LGALS3: variants seen among roughly 807,000 people sequenced by gnomAD.
The protein encoded by LGALS3 is galectin 3, also known as galectin-3.
Under a neutral mutation model 20.7 loss-of-function variants are expected in LGALS3, and 18 were observed. The observed-to-expected ratio is 0.87, with a 90% CI of 0.60 to 1.29. The LOEUF is 1.29. Ranked by LOEUF, LGALS3 falls within the 50% of genes most tolerant of loss-of-function variation. The pLI, the probability that LGALS3 is intolerant of heterozygous loss-of-function variation, is 0.00. For synonymous variants in LGALS3, 112 were observed against 119.6 expected (o/e 0.94, Z 0.42); for missense variants, 315 against 314.7 (o/e 1.00, Z -0.01).
intron 4 of LGALS3, among the ~76,000 whole-genome samples, chr14:55,142,281 C>T (rs1881650066): frequency 6.6e-6 from 1 of 152,088 alleles, no homozygotes; most frequent in Non-Finnish European, 1.5e-5. Flanking sequence ...AAGAAAACCT[C>T]GAAGGGTTTT....
chr14:55,135,394 T>C (rs1881356784), intron 1 of LGALS3, among the ~76,000 whole-genome samples: 1 of 151,928 alleles, frequency 6.6e-6, no homozygotes, highest in Non-Finnish European at 1.5e-5. Context: ...TAAGGACATA[T>C]TCCAAAATAA....
chr14:55,145,157 G>A lies in LGALS3; in HGVS notation c.639G>A (p.Val213=). 1 of 1,614,018 alleles carries A rather than the reference G, an allele frequency of 6.2e-7. No individual in the cohort carries two copies. Among genetic ancestry groups the A allele is most frequent in the Non-Finnish European group, 8.5e-7 (1 of 1,179,976 alleles). Residue 213 remains valine (V), a synonymous_variant, in exon 6 of 6, where the codon GTG becomes GTA. Coordinates refer to ENST00000254301, the MANE Select transcript of LGALS3 (RefSeq NM_002306.4). ...AACCTGACCACTTCAAGGTTGCAGT[G>A]AATGATGCTCACTTGTTGCAGTACA... ...LVEPDHFKVA[V]NDAHLLQYNH...
At position 55,140,383 on chromosome 14, in the gene LGALS3, C is replaced by A; in HGVS notation, c.431+20C>A. 1 of 1,494,412 alleles carries A rather than the reference C, an allele frequency of 6.7e-7. No homozygotes were observed. The highest frequency in any genetic ancestry group is 9.3e-7 in the Non-Finnish European group (1 of 1,076,320). The allele number at this position is 1,494,412 out of a possible 1,614,324, so 92.6% of individuals were successfully genotyped here. On this transcript the variant is annotated intron_variant, in intron 4 of 5. Coordinates refer to ENST00000254301, the MANE Select transcript of LGALS3 (RefSeq NM_002306.4). ...AAACAGGTAAGGAGAGCAAAATTAA[C>A]AAGTCTACTCTATTTGTAGATTGGT...
chr14:55,135,766 T>C (rs1455072031), intron 1 of LGALS3, among the ~76,000 whole-genome samples: 1 of 151,914 alleles, frequency 6.6e-6, no homozygotes, highest in Non-Finnish European at 1.5e-5. Flanking sequence ...GGTTTTGCCA[T>C]ATTGCCCAGG....
chr14:55,134,812 G>A (rs1881332022), intron 1 of LGALS3, among the ~76,000 whole-genome samples: 2 of 152,120 alleles, frequency 1.3e-5, no homozygotes, highest in South Asian at 4.1e-4. Context: ...AAATGGGCAT[G>A]GTCATAACCT....
Position 55,140,363 on chromosome 14 carries a change from G to T in LGALS3, c.431G>T (p.Arg144Ile), listed in dbSNP as rs374133862. The T allele has an allele frequency of 6.2e-7, 1 of 1,600,768 alleles. No homozygotes were observed. The highest frequency in any genetic ancestry group is 8.6e-7 in the Non-Finnish European group (1 of 1,169,414). The change falls in exon 4 of 6, where the codon AGA becomes ATA. Residue 144 changes from arginine to isoleucine, a missense_variant and splice_region_variant. Arg to Ile is a moderately conservative substitution (Grantham distance 97). Transcript: ENST00000254301. Reference protein sequence around the residue: ...ILGTVKPNANRIALDFQRGND... With the variant: ...ILGTVKPNANIIALDFQRGND... ...GGCACGGTGAAGCCCAATGCAAACAGGTAAGGAGAGCAAAATTAACAAGTC... is the reference window on the plus strand; with the variant it reads ...GGCACGGTGAAGCCCAATGCAAACATGTAAGGAGAGCAAAATTAACAAGTC...
intron 3 of LGALS3, among the ~76,000 whole-genome samples, chr14:55,139,380 T>C (rs1223181462): frequency 1.3e-5 from 2 of 152,208 alleles, no homozygotes; most frequent in African/African-American, 4.8e-5. Flanking sequence ...AAGACCATTC[T>C]AGTTCACACT....
intron 4 of LGALS3, 37 bp downstream of exon 4, chr14:55,140,400 T>C: frequency 7.3e-7 from 1 of 1,367,132 alleles, no homozygotes; most frequent in Non-Finnish European, 1.0e-6. Flanking sequence ...ACTCTATTTG[T>C]AGATTGGTTT....
At chr14:55,142,539 G>A (rs767979293) in intron 4 of LGALS3, 45 bp from the exon 5 acceptor site, 18 of 1,511,202 alleles carry the variant, frequency 1.2e-5, no homozygotes, top group Non-Finnish European at 1.4e-5. Context: ...CAGTGCAAAT[G>A]TACAGCTTTA....
intron 1 of LGALS3, among the ~76,000 whole-genome samples, chr14:55,131,221 G>A (rs1405286867): frequency 6.6e-6 from 1 of 152,114 alleles, no homozygotes; most frequent in Non-Finnish European, 1.5e-5. Context: ...GACGAGTACC[G>A]CCTGATGGAT....
At chr14:55,140,452 T>A in intron 4 of LGALS3, 89 bp downstream of exon 4, 2 of 738,658 alleles carry the variant, frequency 2.7e-6, no homozygotes, top group Non-Finnish European at 4.5e-6. Flanking sequence ...TTGCCCTGTC[T>A]TACAGTGCTA....
chr14:55,132,819 C>T (rs1247256317), intron 1 of LGALS3, among the ~76,000 whole-genome samples: 3 of 152,038 alleles, frequency 2.0e-5, no homozygotes, highest in Admixed American at 6.6e-5. Context: ...CTCCTGCCTT[C>T]GCCTCCCAAA....
At position 55,138,160 on chromosome 14, in the gene LGALS3, A is replaced by G. The variant is rs1349138140; in HGVS notation, c.134A>G (p.Tyr45Cys). Reference protein sequence around the residue: ...GYPGASYPGAYPGQAPPGAYP... With the variant: ...GYPGASYPGACPGQAPPGAYP... Reference sequence around the variant, plus strand: ...CCAGGGGCTTCCTATCCTGGGGCCTACCCCGGGCAGGCACCCCCAGGGGCT... The same window carrying G: ...CCAGGGGCTTCCTATCCTGGGGCCTGCCCCGGGCAGGCACCCCCAGGGGCT... The change falls in exon 3 of 6, where the codon TAC becomes TGC. Residue 45 changes from tyrosine to cysteine, a missense_variant. Transcript: ENST00000254301. The G allele has an allele frequency of 1.2e-6, 2 of 1,604,836 alleles. No homozygotes were observed. The highest frequency in any genetic ancestry group is 1.7e-6 in the Non-Finnish European group (2 of 1,176,694).
At chr14:55,134,191 C>G (rs953634740) in intron 1 of LGALS3, among the ~76,000 whole-genome samples, 1 of 152,196 alleles carries the variant, frequency 6.6e-6, no homozygotes, top group African/African-American at 2.4e-5. Flanking sequence ...CAGGTGTGAG[C>G]CACCACACCT....
At chr14:55,137,990 A>C in intron 2 of LGALS3, 55 bp from the exon 3 acceptor site, 1 of 1,456,034 alleles carries the variant, frequency 6.9e-7, no homozygotes, top group Non-Finnish European at 9.1e-7. Flanking sequence ...TTTCCTGAAA[A>C]TTCTGCTTTT....
At chr14:55,143,109 G>A (rs1023918333) in intron 5 of LGALS3, among the ~76,000 whole-genome samples, 1 of 152,062 alleles carries the variant, frequency 6.6e-6, no homozygotes, top group African/African-American at 2.4e-5. Context: ...AAAACTAAAG[G>A]TTTTTTATTC....
At chr14:55,140,084 A>ATTG (rs1408998314) in intron 3 of LGALS3, among the ~76,000 whole-genome samples, 191 bp from the exon 4 acceptor site, 1 of 44,126 alleles carries the variant, frequency 2.3e-5, no homozygotes, top group African/African-American at 2.0e-4. Context: ...TTTCTTTTCA[A>ATTG]TTATTTGTAC....
chr14:55,130,475 G>A lies in LGALS3; in HGVS notation c.-5+1175G>A, dbSNP rs182982061. Among the ~76,000 whole-genome samples the A allele has an allele frequency of 2.6e-5, 4 of 152,314 alleles. No homozygotes were observed. The East Asian group carries it at 7.7e-4, about 29-fold the overall frequency. On this transcript the variant is annotated intron_variant, in intron 1 of 5. Coordinates refer to ENST00000254301, the MANE Select transcript of LGALS3 (RefSeq NM_002306.4). ...AGGCTCAGTTAATTCTGAAGAAAAT[G>A]AGACTGATACAATTAACTACTTGGG... is the stretch of plus-strand genomic sequence containing the variant.
At chr14:55,143,009 G>A (rs1479689523) in intron 5 of LGALS3, among the ~76,000 whole-genome samples, 1 of 152,122 alleles carries the variant, frequency 6.6e-6, no homozygotes, top group African/African-American at 2.4e-5. Flanking sequence ...GAAATGAAAA[G>A]AATATAATCT....
Sources: allele counts gnomAD v4.1 joint callset (sites outside exome capture counted in the v4.1 genomes callset), GRCh38; gene constraint gnomAD v4.1.1; transcripts MANE v1.5; gene names NCBI Gene and HGNC (gene_info 2026-07-23, HGNC 2026-07-21).